Variants in PTPRD observed in about 807,000 individuals in gnomAD.
PTPRD encodes the protein receptor-type tyrosine-protein phosphatase delta.
Under a neutral mutation model 214.5 loss-of-function variants are expected in PTPRD, and 34 were observed. That is an observed-to-expected ratio of 0.16 (90% confidence interval 0.12 to 0.21). The LOEUF (loss-of-function observed/expected upper bound fraction) is 0.21, where lower values mean the gene tolerates loss of function less well. PTPRD is among the 10% of genes least tolerant of loss of function. The pLI is 1.00. For synonymous variants in PTPRD, 1,128 were observed against 845.7 expected, an observed-to-expected ratio of 1.33 and a Z score of -5.79; for missense variants, 2,545 against 2,398.7, an observed-to-expected ratio of 1.06 and a Z score of -1.27.
intron 10 of PTPRD, among the ~76,000 whole-genome samples, chr9:9,024,348 GTTTGTTTT>G (rs1455598797): frequency 1.2e-4 from 8 of 64,172 alleles, no homozygotes; most frequent in East Asian, 6.0e-4. Flanking sequence ...GTTTTTTTTT[GTTTGTTTT>G]TTTTTTTTTC....
intron 8 of PTPRD, among the ~76,000 whole-genome samples, chr9:9,515,281 T>C (rs1448636995): frequency 1.3e-5 from 2 of 152,140 alleles, no homozygotes; most frequent in Non-Finnish European, 2.9e-5. Context: ...TTGTATAATA[T>C]CATGTTTTTT....
intron 5 of PTPRD, among the ~76,000 whole-genome samples, chr9:9,797,224 G>A (rs1233753152): frequency 7.0e-6 from 1 of 143,656 alleles, no homozygotes; most frequent in Admixed American, 7.0e-5. Context: ...TAATACCCTA[G>A]GTAGCAGAAT....
intron 8 of PTPRD, among the ~76,000 whole-genome samples, chr9:9,510,826 T>A (rs1178582699): frequency 1.4e-4 from 21 of 151,652 alleles, no homozygotes; most frequent in Admixed American, 1.3e-3. Flanking sequence ...AAAACAACCT[T>A]AAATGCCTTA....
intron 12 of PTPRD, among the ~76,000 whole-genome samples, chr9:8,694,509 A>G (rs1171851222): frequency 6.6e-6 from 1 of 152,224 alleles, no homozygotes; most frequent in Non-Finnish European, 1.5e-5. Context: ...AGTTAAATGT[A>G]TAAGAAAAAT....
At chr9:10,472,439 C>T (rs1490282367) in intron 2 of PTPRD, among the ~76,000 whole-genome samples, 1 of 149,636 alleles carries the variant, frequency 6.7e-6, no homozygotes, top group Non-Finnish European at 1.5e-5. Flanking sequence ...CAAACCTTGA[C>T]TTTCTTTAAC....
intron 11 of PTPRD, among the ~76,000 whole-genome samples, chr9:8,993,813 A>C (rs1589447758): frequency 6.6e-6 from 1 of 152,114 alleles, no homozygotes; most frequent in Admixed American, 6.6e-5. Flanking sequence ...AGCACCTGTT[A>C]TTACACACTG....
At chr9:9,936,003 G>A (rs1294054546) in intron 5 of PTPRD, among the ~76,000 whole-genome samples, 1 of 150,708 alleles carries the variant, frequency 6.6e-6, no homozygotes, top group Non-Finnish European at 1.5e-5. Flanking sequence ...AATAAATGGT[G>A]CTGGGAAAAC....
chr9:9,273,345 A>G (rs572337781), intron 9 of PTPRD, among the ~76,000 whole-genome samples: 1 of 151,368 alleles, frequency 6.6e-6, no homozygotes, highest in African/African-American at 2.4e-5. Flanking sequence ...CCACAACAGT[A>G]TGACAAAAAT....
chr9:9,288,958 A>G (rs2133991851), intron 9 of PTPRD, among the ~76,000 whole-genome samples: 1 of 152,000 alleles, frequency 6.6e-6, no homozygotes, highest in Admixed American at 6.6e-5. Flanking sequence ...CCATGATTAT[A>G]AGTTTCCTGT....
chr9:9,473,038 A>G (rs1325160223), intron 8 of PTPRD, among the ~76,000 whole-genome samples: 1 of 152,180 alleles, frequency 6.6e-6, no homozygotes, highest in Non-Finnish European at 1.5e-5. Context: ...AATGAACTCT[A>G]CATTACTACA....
intron 12 of PTPRD, among the ~76,000 whole-genome samples, chr9:8,678,820 T>C (rs2097490857): frequency 6.6e-6 from 1 of 152,140 alleles, no homozygotes; most frequent in Admixed American, 6.5e-5. Flanking sequence ...TAACATAAAA[T>C]TGATGGCATG....
intron 7 of PTPRD, among the ~76,000 whole-genome samples, chr9:9,579,096 T>C (rs1280224206): frequency 6.6e-6 from 1 of 152,144 alleles, no homozygotes; most frequent in Admixed American, 6.6e-5. Context: ...TAGTTAATCA[T>C]TGTACGGCAT....
chr9:10,382,411 C>T (rs948322831), intron 2 of PTPRD, among the ~76,000 whole-genome samples: 1 of 151,866 alleles, frequency 6.6e-6, no homozygotes, highest in Admixed American at 6.6e-5. Context: ...TTACCTGGAA[C>T]TTCTGGATTC....
intron 12 of PTPRD, among the ~76,000 whole-genome samples, chr9:8,680,491 G>C (rs1052877991): frequency 5.3e-5 from 8 of 152,124 alleles, no homozygotes; most frequent in African/African-American, 1.9e-4. Flanking sequence ...GCAATCATGA[G>C]ATTCAAAGCC....
At chr9:8,951,138 A>AGTGTGTGTGTGTGTGTGT (rs56212369) in intron 11 of PTPRD, among the ~76,000 whole-genome samples, 2,912 of 147,182 alleles carry the variant, frequency 0.02, 48 homozygotes, top group African/African-American at 0.026. Flanking sequence ...TAGGAAAAAG[A>AGTGTGTGTGTGTGTGTGT]GTGTGTGTGT....
chr9:9,802,364 C>G (rs1032265161), intron 5 of PTPRD, among the ~76,000 whole-genome samples: 3 of 151,848 alleles, frequency 2.0e-5, no homozygotes, highest in African/African-American at 4.8e-5. Context: ...CAAAAGGGCA[C>G]ATAATTATAG....
chr9:8,338,847 C>CAGAG lies in PTPRD; in HGVS notation c.5379+71_5379+74dup, dbSNP rs4008208. ...ACAGTCAAGTGGCAAGTGCTTCTCC[C>CAGAG]AGAGAGAGAGAGAGAGAGGTATCTT... On this transcript the variant is annotated intron_variant, in intron 43 of 45. Transcript: ENST00000381196. 897 of 1,077,726 alleles carry CAGAG rather than the reference C, an allele frequency of 8.3e-4. 4 individuals carry two copies. The African/African-American group carries it at 0.011, about 13-fold the overall frequency. 66.8% of individuals were successfully genotyped at this position (1,077,726 alleles called of 1,614,324 possible).
intron 4 of PTPRD, among the ~76,000 whole-genome samples, chr9:9,990,835 T>C (rs1345798310): frequency 6.6e-6 from 1 of 152,102 alleles, no homozygotes. Context: ...TTAGATACTG[T>C]CCACTCTATG....
intron 11 of PTPRD, among the ~76,000 whole-genome samples, chr9:8,942,667 T>G (rs936094501): frequency 1.3e-5 from 2 of 152,168 alleles, no homozygotes; most frequent in African/African-American, 4.8e-5. Flanking sequence ...GCTAATTTTT[T>G]TTTTGAAAGG....
Sources: gnomAD v4.1 joint callset for allele counts (sites outside exome capture counted in the v4.1 genomes callset) on GRCh38, gnomAD v4.1.1 for gene constraint, MANE v1.5 for transcripts, NCBI Gene and HGNC (gene_info 2026-07-23, HGNC 2026-07-21) for gene names.